Variants in CDCA7L observed in about 807,000 individuals in gnomAD.
CDCA7L encodes the protein cell division cycle associated 7 like, also known as cell division cycle-associated 7-like protein.
In CDCA7L, 44 loss-of-function variants were observed where a neutral mutation model predicts 57.4. That is an observed-to-expected ratio of 0.77 (90% CI 0.60 to 0.98). The LOEUF (loss-of-function observed/expected upper bound fraction) is 0.98, where lower values mean the gene tolerates loss of function less well. Ranked by LOEUF, CDCA7L falls within the 50% of genes least tolerant of loss-of-function variation. CDCA7L has a pLI of 0.00. For missense variants in CDCA7L, 644 were observed against 580.6 expected, an observed-to-expected ratio of 1.11 and a Z score of -1.12; for synonymous variants, 236 against 202.8, an observed-to-expected ratio of 1.16 and a Z score of -1.39.
At chr7:21,902,421 ATTCCACAATCATC>A (rs1784942664) in intron 9 of CDCA7L, 69 bp from the exon 10 acceptor site, 3 of 1,441,414 alleles carry the variant, frequency 2.1e-6, no homozygotes, top group Admixed American at 3.4e-5. Context: ...GGCTTGAGAG[ATTCCACAATCATC>A]TAAGAGTACA....
At chr7:21,944,713 G>A in intron 1 of CDCA7L, 1 of 152,124 alleles carries the variant, frequency 6.6e-6, no homozygotes. Flanking sequence ...GACTCGGGCA[G>A]GTGACAGCGG....
At chr7:21,903,791 A>C in intron 8 of CDCA7L, 1 of 224,990 alleles carries the variant, frequency 4.4e-6, no homozygotes, top group South Asian at 1.2e-4. Flanking sequence ...CCCAGGAAAA[A>C]CAAAACAAAT....
chr7:21,906,272 T>A lies in CDCA7L; in HGVS notation c.921+17A>T. The A allele has an allele frequency of 6.4e-7, 1 of 1,572,744 alleles. No homozygotes were observed. Among genetic ancestry groups the A allele is most frequent in the East Asian group, 2.3e-5 (1 of 44,412 alleles). ...TAGCTCAGACAAAAACTAATTCATG[T>A]ATTAGTCAGAAAATACCCCAATTGT... On this transcript the variant is annotated intron_variant, in intron 6 of 9. Transcript: ENST00000406877.
At chr7:21,932,203 T>G (rs963145692) in intron 1 of CDCA7L, among the ~76,000 whole-genome samples, 1 of 152,168 alleles carries the variant, frequency 6.6e-6, no homozygotes, top group Non-Finnish European at 1.5e-5. Flanking sequence ...GAAGAATCAG[T>G]ATCATGAAAA....
chr7:21,901,268 T>C lies in CDCA7L; in HGVS notation c.*1054A>G, dbSNP rs1784819290. 3 of 1,603,398 alleles carry C rather than the reference T, an allele frequency of 1.9e-6. No homozygotes were observed. The highest frequency in any genetic ancestry group is 1.7e-5 in the Admixed American group (1 of 59,270). On this transcript the variant is annotated 3_prime_UTR_variant, in exon 10 of 10. Transcript: ENST00000406877. ...CTAGAAGCGTAAGGTAACACTGGCATTCCTCTAGCCTCTGCTGGAGTGCAG... is the reference window on the plus strand; with the variant it reads ...CTAGAAGCGTAAGGTAACACTGGCACTCCTCTAGCCTCTGCTGGAGTGCAG...
chr7:21,906,804 A>G (rs1583843670), intron 4 of CDCA7L, among the ~76,000 whole-genome samples, 165 bp from the exon 5 acceptor site: 2 of 152,170 alleles, frequency 1.3e-5, no homozygotes, highest in South Asian at 4.1e-4. Flanking sequence ...TAAAGATTGT[A>G]CCTCCAGACC....
intron 7 of CDCA7L, 44 bp from the exon 8 acceptor site, chr7:21,904,303 G>A (rs186718222): frequency 2.6e-6 from 4 of 1,523,980 alleles, no homozygotes; most frequent in East Asian, 2.3e-5. Context: ...GGGATATGCT[G>A]ATGCCCAATG....
At chr7:21,902,395 C>T in intron 9 of CDCA7L, 43 bp from the exon 10 acceptor site, 2 of 1,572,362 alleles carry the variant, frequency 1.3e-6, no homozygotes, top group Non-Finnish European at 1.8e-6. Context: ...AGTACAAATA[C>T]ACAAATGGCA....
At chr7:21,902,472 C>CGAAATCCTGACAAT in intron 9 of CDCA7L, 120 bp from the exon 10 acceptor site, 1 of 954,876 alleles carries the variant, frequency 1.0e-6, no homozygotes. Context: ...TCCTGACACT[C>CGAAATCCTGACAAT]GAAATCCTGA....
chr7:21,906,565 T>A lies in CDCA7L; in HGVS notation c.753+3A>T. The stretch of plus-strand genomic sequence containing the variant: ...TGGTATAATTATAAGGAGTTCTACT[T>A]ACAGAAGCTGAGGTTGGGGTTCGTA... On this transcript the variant is annotated splice_donor_region_variant and intron_variant, in intron 5 of 9. Coordinates refer to ENST00000406877, the MANE Select transcript of CDCA7L (RefSeq NM_018719.5). The A allele has an allele frequency of 6.2e-7, 1 of 1,614,098 alleles. No homozygotes were observed. Among genetic ancestry groups the A allele is most frequent in the Non-Finnish European group, 8.5e-7 (1 of 1,179,990 alleles).
At chr7:21,915,451 AC>A (rs35600833) in intron 2 of CDCA7L, among the ~76,000 whole-genome samples, 68,071 of 151,508 alleles carry the variant, frequency 0.45, 16,310 homozygotes, top group Non-Finnish European at 0.54. Context: ...CTGAAGACAA[AC>A]CCTTAGAGAA....
intron 1 of CDCA7L, among the ~76,000 whole-genome samples, chr7:21,927,977 T>A (rs1056465974): frequency 3.3e-5 from 5 of 152,166 alleles, no homozygotes; most frequent in African/African-American, 9.7e-5. Flanking sequence ...AGGGACAGAC[T>A]TGCCTTCTCA....
chr7:21,914,003 T>C (rs1241145374), intron 2 of CDCA7L, among the ~76,000 whole-genome samples: 1 of 152,224 alleles, frequency 6.6e-6, no homozygotes, highest in Admixed American at 6.5e-5. Context: ...ACTGGTTCAT[T>C]CATCTTCAAA....
chr7:21,944,785 C>T (rs1786462993), intron 1 of CDCA7L: 1 of 151,990 alleles, frequency 6.6e-6, no homozygotes, highest in African/African-American at 2.4e-5. Context: ...CTCCCCTTCT[C>T]CCGGGCCAGG....
At chr7:21,940,575 G>T (rs955763171) in intron 1 of CDCA7L, among the ~76,000 whole-genome samples, 1 of 152,176 alleles carries the variant, frequency 6.6e-6, no homozygotes, top group Non-Finnish European at 1.5e-5. Context: ...GTCAGCCCAG[G>T]TACTCCAGAA....
intron 1 of CDCA7L, among the ~76,000 whole-genome samples, chr7:21,919,126 T>C (rs1264100281): frequency 6.6e-6 from 1 of 152,162 alleles, no homozygotes; most frequent in Non-Finnish European, 1.5e-5. Flanking sequence ...GAATGAATTA[T>C]TACATTAGGG....
chr7:21,904,078 C>T (rs763174465), intron 8 of CDCA7L, 32 bp downstream of exon 8: 2 of 1,537,744 alleles, frequency 1.3e-6, no homozygotes, highest in Non-Finnish European at 1.8e-6. Context: ...TTCACCAATA[C>T]AATTTACAAC....
In CDCA7L at chr7:21,920,397, TTAATC is replaced by T. The variant is rs911226485; in HGVS notation, c.25-3508_25-3504del. Among the ~76,000 whole-genome samples, 25 of 152,208 alleles carry T rather than the reference TTAATC, an allele frequency of 1.6e-4. 1 individual carries two copies. Among genetic ancestry groups the T allele is most frequent in the Non-Finnish European group, 2.9e-5 (2 of 68,040 alleles). Reference sequence around the variant, plus strand: ...GTTCCATTTAGGAAACTGGTAATCCTTAATCTATTTACTTTCATCCTTATTTTAAT... The same window carrying T: ...GTTCCATTTAGGAAACTGGTAATCCTTATTTACTTTCATCCTTATTTTAAT... On this transcript the variant is annotated intron_variant, in intron 1 of 9. Coordinates refer to ENST00000406877, the MANE Select transcript of CDCA7L (RefSeq NM_018719.5).
intron 7 of CDCA7L, 102 bp downstream of exon 7, chr7:21,905,404 T>C (rs1785107534): frequency 7.5e-7 from 1 of 1,328,490 alleles, no homozygotes; most frequent in Admixed American, 1.9e-5. Flanking sequence ...CTCTGAGCCC[T>C]TGGTGAGATG....
Sources: gnomAD v4.1 joint callset for allele counts (sites outside exome capture counted in the v4.1 genomes callset) on GRCh38, gnomAD v4.1.1 for gene constraint, MANE v1.5 for transcripts, NCBI Gene and HGNC (gene_info 2026-07-23, HGNC 2026-07-21) for gene names.